PAWR: variants seen among roughly 807,000 people sequenced by gnomAD.
The protein encoded by PAWR is pro-apoptotic WT1 regulator, also known as PRKC apoptosis WT1 regulator protein.
In PAWR, 23 loss-of-function variants were observed where a neutral mutation model predicts 32.0. The observed-to-expected ratio is 0.72, with a 90% CI of 0.52 to 1.02. The LOEUF (loss-of-function observed/expected upper bound fraction) is 1.02. Among genes scored for constraint, PAWR ranks in the 50% least tolerant of loss-of-function variants. The probability of loss-of-function intolerance (pLI) is 0.00; values close to 1 mark genes in which losing one functional copy is unlikely to be tolerated. For missense variants in PAWR, 457 were observed against 437.7 expected (o/e 1.04, Z -0.39); for synonymous variants, 226 against 187.1 (o/e 1.21, Z -1.70).
intron 3 of PAWR, among the ~76,000 whole-genome samples, chr12:79,613,951 A>T (rs1592501334): frequency 4.3e-4 from 2 of 4,668 alleles, no homozygotes; most frequent in East Asian, 6.8e-3. Context: ...ATATATATAT[A>T]TATATATATA....
chr12:79,618,906 G>GA lies in PAWR; in HGVS notation c.648+2169dup, dbSNP rs201234172. Among the ~76,000 whole-genome samples, 257 of 147,122 alleles carry GA rather than the reference G, an allele frequency of 1.7e-3. 1 individual carries two copies. Among genetic ancestry groups the GA allele is most frequent in the African/African-American group, 5.7e-3 (228 of 40,282 alleles). On this transcript the variant is annotated intron_variant, in intron 3 of 6. Transcript: ENST00000328827. The stretch of plus-strand genomic sequence containing the variant: ...TAATTACTACTCCATACTAAATAGG[G>GA]AAAAAAAAAATGAAGAAATACAGTA...
intron 4 of PAWR, among the ~76,000 whole-genome samples, chr12:79,602,827 A>G (rs1874016526): frequency 6.6e-6 from 1 of 151,068 alleles, no homozygotes; most frequent in African/African-American, 2.4e-5. Flanking sequence ...GCTGGTCTCA[A>G]ACTCCTGGCT....
At chr12:79,593,634 TGGGCAACAGA>T (rs1188623786) in intron 6 of PAWR, among the ~76,000 whole-genome samples, 1 of 146,042 alleles carries the variant, frequency 6.8e-6, no homozygotes, top group African/African-American at 2.5e-5. Context: ...AACTCCAGCC[TGGGCAACAGA>T]GAGAGACTCC....
rs1025953623 is a variant in PAWR, at chr12:79,675,270, C to T, written c.516+14459G>A. Among the ~76,000 whole-genome samples the T allele has an allele frequency of 4.6e-5, 7 of 151,980 alleles. 1 individual carries two copies. The highest frequency in any genetic ancestry group is 2.6e-4 in the Admixed American group (4 of 15,254). ...TGCCGCACTTGTGTTCGCAGCTACT[C>T]GGGAGGCTGAGGTGGGGAGGATCAC... On this transcript the variant is annotated intron_variant, in intron 2 of 6. Transcript: ENST00000328827.
intron 2 of PAWR, among the ~76,000 whole-genome samples, chr12:79,657,311 A>G (rs1447780225): frequency 6.6e-6 from 1 of 152,114 alleles, no homozygotes; most frequent in Non-Finnish European, 1.5e-5. Context: ...GGGGTGATGG[A>G]TTGTTCATTC....
Position 79,689,714 on chromosome 12 carries a change from C to T in PAWR, c.516+15G>A, listed in dbSNP as rs112357169. 1.1e-5 allele frequency: 17 copies of T among 1,538,658 alleles called. No individual in the cohort carries two copies. In the African/African-American group the frequency reaches 1.4e-4, roughly 12 times the overall value. On this transcript the variant is annotated intron_variant, in intron 2 of 6. Coordinates refer to ENST00000328827, the MANE Select transcript of PAWR (RefSeq NM_002583.4). ...CGCCCCGGCCCGGTCCGGCTGCGGC[C>T]CCCGCCCGGCTCACCTCTGCGGCAG...
chr12:79,601,012 CA>C (rs1201204536), intron 4 of PAWR, among the ~76,000 whole-genome samples: 2 of 151,968 alleles, frequency 1.3e-5, no homozygotes, highest in African/African-American at 2.4e-5. Flanking sequence ...GGATTGACAA[CA>C]AACAGTTCAA....
At chr12:79,640,879 G>A (rs576781682) in intron 2 of PAWR, among the ~76,000 whole-genome samples, 8 of 152,358 alleles carry the variant, frequency 5.3e-5, no homozygotes, top group African/African-American at 1.2e-4. Context: ...AGTTTGATGC[G>A]TAAGGATCTT....
In PAWR at chr12:79,587,029, A is replaced by T. The variant is rs946709831; in HGVS notation, c.*5578T>A. On this transcript the variant is annotated 3_prime_UTR_variant, in exon 7 of 7. Coordinates refer to ENST00000328827, the MANE Select transcript of PAWR (RefSeq NM_002583.4). The stretch of plus-strand genomic sequence containing the variant: ...GATTAAGAAAATATGTGGGTAGTTT[A>T]CAGCTGCTGATAGAATTGTGTGCAC... 1 of 152,160 alleles carries T rather than the reference A, an allele frequency of 6.6e-6. No homozygotes were observed. The highest frequency in any genetic ancestry group is 2.4e-5 in the African/African-American group (1 of 41,454). The allele number at this position is 152,160 out of a possible 1,614,324, so 9.4% of individuals were successfully genotyped here.
At chr12:79,622,470 A>C (rs986327851) in intron 2 of PAWR, among the ~76,000 whole-genome samples, 1 of 151,840 alleles carries the variant, frequency 6.6e-6, no homozygotes, top group African/African-American at 2.4e-5. Context: ...CCCCAACCCC[A>C]CGACAGGTCC....
At chr12:79,629,478 C>G (rs1196030721) in intron 2 of PAWR, among the ~76,000 whole-genome samples, 1 of 151,606 alleles carries the variant, frequency 6.6e-6, no homozygotes, top group Non-Finnish European at 1.5e-5. Context: ...AGCTTCAGAT[C>G]AAATGAAACA....
At chr12:79,634,829 A>C (rs540028727) in intron 2 of PAWR, among the ~76,000 whole-genome samples, 3 of 152,040 alleles carry the variant, frequency 2.0e-5, no homozygotes, top group African/African-American at 7.2e-5. Context: ...TGACAGTTAT[A>C]TAAGGATTCA....
At chr12:79,605,453 C>A (rs1874135204) in intron 4 of PAWR, among the ~76,000 whole-genome samples, 1 of 151,922 alleles carries the variant, frequency 6.6e-6, no homozygotes, top group Non-Finnish European at 1.5e-5. Context: ...AACAGCCAGG[C>A]ATAGTACCCT....
chr12:79,679,216 G>A (rs1266189374), intron 2 of PAWR, among the ~76,000 whole-genome samples: 1 of 151,998 alleles, frequency 6.6e-6, no homozygotes, highest in Non-Finnish European at 1.5e-5. Flanking sequence ...ACTGAGCCTG[G>A]GGCACACAAC....
rs150747934 is a variant in PAWR at position 79,622,308 on chromosome 12, A to T, written c.517-1101T>A. Among the ~76,000 whole-genome samples, 630 of 152,116 alleles carry T rather than the reference A, an allele frequency of 4.1e-3. 12 individuals are homozygous for T. The highest frequency in any genetic ancestry group is 0.014 in the African/African-American group (591 of 41,500). ...TGTCTGAGATGGAGTGTTTTTTATTATTTTTTATTATTATTATACTTTAAG... is the reference window on the plus strand; with the variant it reads ...TGTCTGAGATGGAGTGTTTTTTATTTTTTTTTATTATTATTATACTTTAAG... On this transcript the variant is annotated intron_variant, in intron 2 of 6. Coordinates refer to ENST00000328827, the MANE Select transcript of PAWR (RefSeq NM_002583.4).
chr12:79,688,292 A>G (rs1878783060), intron 2 of PAWR: 1 of 152,062 alleles, frequency 6.6e-6, no homozygotes, highest in Non-Finnish European at 1.5e-5. Flanking sequence ...GTGAAGTTTA[A>G]CATCTGCCAA....
Position 79,588,813 on chromosome 12 carries a change from C to T in PAWR, c.*3794G>A, listed in dbSNP as rs1873461634. The T allele has an allele frequency of 1.3e-5, 2 of 151,988 alleles. No homozygotes were observed. Among genetic ancestry groups the T allele is most frequent in the South Asian group, 4.2e-4 (2 of 4,818 alleles). The allele number at this position is 151,988 out of a possible 1,614,324, so 9.4% of individuals were successfully genotyped here. On this transcript the variant is annotated 3_prime_UTR_variant, in exon 7 of 7. Coordinates refer to ENST00000328827, the MANE Select transcript of PAWR (RefSeq NM_002583.4). ...AGATTCTAGCTAAGTAAAATAAAAA[C>T]AATATGGACTCAGATTTTCTTAGGA...
chr12:79,620,798 G>C (rs1392010274), intron 3 of PAWR, among the ~76,000 whole-genome samples: 3 of 152,146 alleles, frequency 2.0e-5, no homozygotes, highest in Non-Finnish European at 4.4e-5. Flanking sequence ...TCCCCATGGA[G>C]GAGCAATCCG....
At chr12:79,609,093 A>G (rs1355812008) in intron 4 of PAWR, among the ~76,000 whole-genome samples, 1 of 152,164 alleles carries the variant, frequency 6.6e-6, no homozygotes, top group Admixed American at 6.5e-5. Context: ...GAGGGGGGCA[A>G]TTATACAGAA....
Sources: gnomAD v4.1 joint callset for allele counts (sites outside exome capture counted in the v4.1 genomes callset) on GRCh38, gnomAD v4.1.1 for gene constraint, MANE v1.5 for transcripts, NCBI Gene and HGNC (gene_info 2026-07-23, HGNC 2026-07-21) for gene names.